CSMD1: variants seen among roughly 807,000 people sequenced by gnomAD.
CSMD1 encodes CUB and Sushi multiple domains 1.
CSMD1 carries 213 observed loss-of-function variants against 417.5 expected under a neutral mutation model. The ratio of observed to expected loss-of-function variants is 0.51; its 90% CI spans 0.46 to 0.57. The LOEUF (loss-of-function observed/expected upper bound fraction) is 0.57. Ranked by LOEUF, CSMD1 falls within the 20% of genes least tolerant of loss-of-function variation. CSMD1 has a pLI of 0.00. For missense variants in CSMD1, 6,923 were observed against 4,529.7 expected (o/e 1.53, Z -15.17); for synonymous variants, 2,862 against 1,736.8 (o/e 1.65, Z -16.11).
At chr8:3,864,780 T>C (rs1442462646) in intron 5 of CSMD1, among the ~76,000 whole-genome samples, 1 of 152,182 alleles carries the variant, frequency 6.6e-6, no homozygotes, top group East Asian at 1.9e-4. Flanking sequence ...GTTAACTAGA[T>C]GTTATTATAG....
Position 4,146,591 on chromosome 8 carries a change from C to A in CSMD1, c.416-114492G>T, listed in dbSNP as rs983206721. The stretch of plus-strand genomic sequence containing the variant: ...TTATCTGTCTAAATGTTTATATGGA[C>A]ACATTTTTTTTTTTTTTTTTTTTTT... On this transcript the variant is annotated intron_variant, in intron 3 of 69. Coordinates refer to ENST00000635120, the MANE Select transcript of CSMD1 (RefSeq NM_033225.6). Among the ~76,000 whole-genome samples, 9 of 49,710 alleles carry A rather than the reference C, an allele frequency of 1.8e-4. 1 individual carries two copies. The highest frequency in any genetic ancestry group is 8.5e-4 in the East Asian group (2 of 2,356). 32.6% of individuals were successfully genotyped at this position (49,710 alleles called of 152,430 possible). A position where few individuals can be genotyped will look rare whatever the true frequency, so the allele number is the denominator to read the frequency against.
chr8:4,743,821 AT>A (rs1810778688), intron 1 of CSMD1, among the ~76,000 whole-genome samples: 1 of 152,176 alleles, frequency 6.6e-6, no homozygotes, highest in Non-Finnish European at 1.5e-5. Context: ...AAACCTCTTT[AT>A]CGCAAAAGCA....
At chr8:3,495,666 A>C (rs146094534) in intron 10 of CSMD1, among the ~76,000 whole-genome samples, 1 of 152,366 alleles carries the variant, frequency 6.6e-6, no homozygotes, top group East Asian at 1.9e-4. Flanking sequence ...ATGCAGCTGT[A>C]AAATAGAAGT....
intron 2 of CSMD1, among the ~76,000 whole-genome samples, chr8:4,575,301 T>G (rs1364218903): frequency 1.3e-5 from 2 of 152,244 alleles, no homozygotes; most frequent in African/African-American, 4.8e-5. Flanking sequence ...GTCCCTGTCC[T>G]TTTTATGTAA....
chr8:4,717,615 G>A (rs1368351372), intron 1 of CSMD1, among the ~76,000 whole-genome samples: 1 of 147,252 alleles, frequency 6.8e-6, no homozygotes, highest in Non-Finnish European at 1.5e-5. Flanking sequence ...CAAGCAGTAG[G>A]AACTATATAT....
At chr8:3,412,380 A>G (rs570010158) in intron 12 of CSMD1, among the ~76,000 whole-genome samples, 1 of 152,106 alleles carries the variant, frequency 6.6e-6, no homozygotes, top group African/African-American at 2.4e-5. Flanking sequence ...GAAGTGACTC[A>G]GAACTGAATT....
chr8:4,092,325 T>C (rs1393648634), intron 3 of CSMD1, among the ~76,000 whole-genome samples: 1 of 152,214 alleles, frequency 6.6e-6, no homozygotes, highest in African/African-American at 2.4e-5. Context: ...TCCTTTCCTG[T>C]GTCTGATGCT....
At chr8:3,088,745 T>C (rs1284485184) in intron 48 of CSMD1, among the ~76,000 whole-genome samples, 1 of 151,222 alleles carries the variant, frequency 6.6e-6, no homozygotes, top group African/African-American at 2.4e-5. Context: ...CTAGACCAAA[T>C]TCTTCTAAGT....
intron 1 of CSMD1, among the ~76,000 whole-genome samples, chr8:4,971,511 T>C (rs557817326): frequency 6.6e-6 from 1 of 152,112 alleles, no homozygotes; most frequent in African/African-American, 2.4e-5. Flanking sequence ...AAGGAAATGA[T>C]GAAGAATTTA....
intron 2 of CSMD1, among the ~76,000 whole-genome samples, chr8:4,488,180 G>C (rs997915469): frequency 6.6e-6 from 1 of 152,142 alleles, no homozygotes; most frequent in East Asian, 1.9e-4. Context: ...CCAGAACTGT[G>C]AGAAATAAGT....
In CSMD1 at chr8:3,284,154, G is replaced by C; in HGVS notation, c.4143C>G (p.Ile1381Met). Reference protein sequence around the residue: ...DFFISKSGFSIQFSTSIAATC... With the variant: ...DFFISKSGFSMQFSTSIAATC... ...CGCTGTGCCACCTACTGGAGAACTG[G>C]ATGGAGAAGCCAGACTTGCTGATGA... The change falls in exon 26 of 70, where the codon ATC becomes ATG. Residue 1381 changes from isoleucine to methionine, a missense_variant. By Grantham distance (10) the Ile-to-Met change is conservative (BLOSUM62 1). Coordinates refer to ENST00000635120, the MANE Select transcript of CSMD1 (RefSeq NM_033225.6). The C allele has an allele frequency of 6.4e-7, 1 of 1,565,548 alleles. No individual in the cohort carries two copies. The highest frequency in any genetic ancestry group is 1.7e-4 in the Middle Eastern group (1 of 6,000).
At chr8:4,375,152 G>C (rs540001890) in intron 3 of CSMD1, among the ~76,000 whole-genome samples, 6 of 152,248 alleles carry the variant, frequency 3.9e-5, no homozygotes, top group South Asian at 4.1e-4. Context: ...TGAAAATACA[G>C]TGTTAGGGTA....
At chr8:4,126,741 C>T (rs1189739521) in intron 3 of CSMD1, among the ~76,000 whole-genome samples, 1 of 152,064 alleles carries the variant, frequency 6.6e-6, no homozygotes, top group South Asian at 2.1e-4. Context: ...GAAAAGCCAA[C>T]AAAAAAATAA....
chr8:4,771,291 C>T (rs1218014788), intron 1 of CSMD1, among the ~76,000 whole-genome samples: 2 of 152,180 alleles, frequency 1.3e-5, no homozygotes, highest in East Asian at 1.9e-4. Context: ...ATGTTCTCTA[C>T]CATATCTAAT....
intron 25 of CSMD1, among the ~76,000 whole-genome samples, chr8:3,299,273 G>A (rs1219828362): frequency 6.6e-6 from 1 of 152,028 alleles, no homozygotes; most frequent in Admixed American, 6.6e-5. Flanking sequence ...CCAATATGGG[G>A]AAACCCTGTC....
At chr8:3,826,565 C>G (rs956543349) in intron 5 of CSMD1, among the ~76,000 whole-genome samples, 2 of 152,224 alleles carry the variant, frequency 1.3e-5, no homozygotes, top group East Asian at 3.9e-4. Context: ...GCGCCTCTCT[C>G]TGGGTTGAGA....
chr8:3,945,696 C>A (rs765741323), intron 5 of CSMD1, among the ~76,000 whole-genome samples: 1 of 152,054 alleles, frequency 6.6e-6, no homozygotes, highest in African/African-American at 2.4e-5. Flanking sequence ...GATAGCTCAT[C>A]GACATTTAAA....
chr8:3,537,620 C>T (rs190967898), intron 10 of CSMD1, among the ~76,000 whole-genome samples: 3 of 152,156 alleles, frequency 2.0e-5, no homozygotes, highest in Admixed American at 2.0e-4. Flanking sequence ...AATTGTGTTT[C>T]CTTTAATGAA....
intron 22 of CSMD1, among the ~76,000 whole-genome samples, chr8:3,344,120 C>T (rs569256527): frequency 1.3e-5 from 2 of 152,260 alleles, no homozygotes; most frequent in South Asian, 4.1e-4. Flanking sequence ...ATAAGGAAGA[C>T]AAGGCTTGGT....
Sources: gnomAD v4.1 joint callset for allele counts (sites outside exome capture counted in the v4.1 genomes callset) on GRCh38, gnomAD v4.1.1 for gene constraint, MANE v1.5 for transcripts, NCBI Gene and HGNC (gene_info 2026-07-23, HGNC 2026-07-21) for gene names.